DGLUCY: variants seen among roughly 807,000 people sequenced by gnomAD.
The protein encoded by DGLUCY is D-glutamate cyclase, also known as D-glutamate cyclase, mitochondrial.
In DGLUCY, 58 loss-of-function variants were observed where a neutral mutation model predicts 58.5. The observed-to-expected ratio is 0.99, with a 90% confidence interval of 0.80 to 1.23. DGLUCY has a LOEUF of 1.23. Among genes scored for constraint, DGLUCY ranks in the 50% most tolerant of loss-of-function variants. The pLI is 0.00. For synonymous variants in DGLUCY, 325 were observed against 314.1 expected (o/e 1.03, Z -0.37); for missense variants, 779 against 784.7 (o/e 0.99, Z 0.09).
chr14:91,164,151 T>C (rs1415625855), intron 3 of DGLUCY, among the ~76,000 whole-genome samples: 1 of 152,148 alleles, frequency 6.6e-6, no homozygotes, highest in Non-Finnish European at 1.5e-5. Flanking sequence ...GGTTTCACCA[T>C]GTTGGCCAGG....
chr14:91,066,293 A>G (rs987365314), intron 1 of DGLUCY, among the ~76,000 whole-genome samples: 2 of 150,864 alleles, frequency 1.3e-5, no homozygotes, highest in African/African-American at 2.4e-5. Context: ...CAGGAGAATC[A>G]CTTGAACCCG....
intron 1 of DGLUCY, among the ~76,000 whole-genome samples, chr14:91,138,705 A>C (rs1039783270): frequency 6.6e-6 from 1 of 152,142 alleles, no homozygotes; most frequent in African/African-American, 2.4e-5. Flanking sequence ...AAATCTCGTG[A>C]GAATTCACTC....
At chr14:91,200,095 C>T (rs939232453) in intron 11 of DGLUCY, among the ~76,000 whole-genome samples, 190 bp downstream of exon 11, 39 of 152,252 alleles carry the variant, frequency 2.6e-4, no homozygotes, top group African/African-American at 8.7e-4. Context: ...GCTGGAATTA[C>T]AGGCATGCAC....
At chr14:91,106,506 C>T (rs994329603), upstream of DGLUCY, among the ~76,000 whole-genome samples, 7 of 148,952 alleles carry the variant, frequency 4.7e-5, no homozygotes, top group South Asian at 2.1e-4. Flanking sequence ...CAGAAGTTTG[C>T]GACCAGCCTG....
In DGLUCY at chr14:91,170,017, A is replaced by G. The variant is rs1352877301; in HGVS notation, c.272A>G (p.Gln91Arg). ...AISETRMGHP[Q>R]FWKYEFGACT... Reference sequence around the variant, plus strand: ...TATGTCCCCAGGATGGGCCATCCCCAGTTCTGGAAATACGAGTTCGGTGCC... The same window carrying G: ...TATGTCCCCAGGATGGGCCATCCCCGGTTCTGGAAATACGAGTTCGGTGCC... Residue 91 changes from glutamine (Q) to arginine (R), a missense_variant, in exon 5 of 14, where the codon CAG becomes CGG. Coordinates refer to ENST00000256324, the MANE Select transcript of DGLUCY (RefSeq NM_001102368.3). The G allele has an allele frequency of 1.2e-6, 2 of 1,612,026 alleles. No homozygotes were observed. The highest frequency in any genetic ancestry group is 1.7e-6 in the Non-Finnish European group (2 of 1,180,004).
intron 1 of DGLUCY, among the ~76,000 whole-genome samples, chr14:91,127,925 T>TG (rs1315618361): frequency 2.0e-5 from 3 of 151,764 alleles, no homozygotes; most frequent in Non-Finnish European, 4.4e-5. Flanking sequence ...CTGGCTTTTT[T>TG]TTTTTTTTTT....
intron 1 of DGLUCY, among the ~76,000 whole-genome samples, chr14:91,082,945 T>C (rs1474462467): frequency 6.6e-6 from 1 of 152,082 alleles, no homozygotes; most frequent in East Asian, 1.9e-4. Context: ...TTGGTAGAGA[T>C]GGGGGTCTCA....
chr14:91,148,448 C>T (rs562548237), intron 1 of DGLUCY: 4 of 151,842 alleles, frequency 2.6e-5, no homozygotes, highest in African/African-American at 9.6e-5. Flanking sequence ...TCAAGCGATC[C>T]ACCCACCTTG....
chr14:91,206,330 C>G (rs1363011039), intron 12 of DGLUCY, among the ~76,000 whole-genome samples: 1 of 152,084 alleles, frequency 6.6e-6, no homozygotes, highest in East Asian at 1.9e-4. Flanking sequence ...CAGAGCCCTT[C>G]CCCTCCCCGA....
chr14:91,174,849 A>T (rs2048769909), intron 6 of DGLUCY, among the ~76,000 whole-genome samples: 2 of 152,054 alleles, frequency 1.3e-5, no homozygotes, highest in South Asian at 4.1e-4. Flanking sequence ...CTCCAGGTGG[A>T]ATGGAATTGG....
chr14:91,073,238 C>A (rs895297603), intron 1 of DGLUCY, among the ~76,000 whole-genome samples: 1 of 152,032 alleles, frequency 6.6e-6, no homozygotes, highest in African/African-American at 2.4e-5. Context: ...CTCAGGAGTT[C>A]GAGACCAGCC....
At chr14:91,207,342 G>A (rs190152476) in intron 12 of DGLUCY, among the ~76,000 whole-genome samples, 1 of 149,830 alleles carries the variant, frequency 6.7e-6, no homozygotes. Flanking sequence ...AGTGCTGGGG[G>A]AAAAAAAAAC....
At chr14:91,105,035 C>T (rs1168738467), upstream of DGLUCY, among the ~76,000 whole-genome samples, 3 of 152,198 alleles carry the variant, frequency 2.0e-5, no homozygotes, top group African/African-American at 7.2e-5. Context: ...GCATTACTGG[C>T]TGGGCATTGT....
At chr14:91,111,200 A>ATGTGTGTGTGTGTGTGTG (rs1183383205), upstream of DGLUCY, among the ~76,000 whole-genome samples, 3 of 79,124 alleles carry the variant, frequency 3.8e-5, no homozygotes, top group African/African-American at 1.1e-4. Flanking sequence ...TTATTTATAT[A>ATGTGTGTGTGTGTGTGTG]TATGTGTGTG....
At chr14:91,090,815 A>G (rs1470428738) in intron 1 of DGLUCY, among the ~76,000 whole-genome samples, 1 of 152,202 alleles carries the variant, frequency 6.6e-6, no homozygotes, top group Non-Finnish European at 1.5e-5. Context: ...AAATGTGCAC[A>G]GGGAGGGTGG....
chr14:91,143,498 C>T (rs2046850076), intron 1 of DGLUCY, among the ~76,000 whole-genome samples: 1 of 152,170 alleles, frequency 6.6e-6, no homozygotes, highest in Admixed American at 6.6e-5. Flanking sequence ...CTAAATACAA[C>T]GGATTTGCAA....
At chr14:91,135,668 A>AAAAAAT (rs1388981924) in intron 1 of DGLUCY, among the ~76,000 whole-genome samples, 5 of 150,844 alleles carry the variant, frequency 3.3e-5, no homozygotes, top group African/African-American at 1.2e-4. Context: ...AAAAAAAAAA[A>AAAAAAT]AAAAAACAAG....
chr14:91,181,461 C>A, intron 8 of DGLUCY, 72 bp downstream of exon 8: 1 of 1,472,572 alleles, frequency 6.8e-7, no homozygotes, highest in Non-Finnish European at 9.3e-7. Flanking sequence ...AGAAAATCAC[C>A]TTTTCAGTGA....
intron 5 of DGLUCY, among the ~76,000 whole-genome samples, chr14:91,173,030 C>T (rs1327654090): frequency 6.6e-6 from 1 of 152,154 alleles, no homozygotes; most frequent in Non-Finnish European, 1.5e-5. Flanking sequence ...CAGTTAAAGG[C>T]ATTACTTTGA....
Sources: allele counts gnomAD v4.1 joint callset (sites outside exome capture counted in the v4.1 genomes callset), GRCh38; gene constraint gnomAD v4.1.1; transcripts MANE v1.5; gene names NCBI Gene and HGNC (gene_info 2026-07-23, HGNC 2026-07-21).